The following PRRG1 variants were observed in gnomAD, a reference collection of about 807,000 sequenced individuals.
The protein encoded by PRRG1 is transmembrane gamma-carboxyglutamic acid protein 1.
In PRRG1, 5 loss-of-function variants were observed where a neutral mutation model predicts 11.8. The ratio of observed to expected loss-of-function variants is 0.42; its 90% confidence interval spans 0.22 to 0.89. PRRG1 has a LOEUF of 0.89. PRRG1 is among the 40% of genes least tolerant of loss of function. PRRG1 has a pLI of 0.28. For synonymous variants in PRRG1, 66 were observed against 60.4 expected, an observed-to-expected ratio of 1.09 and a Z score of -0.43; for missense variants, 155 against 166.1, an observed-to-expected ratio of 0.93 and a Z score of 0.37.
chrX:37,386,709 C>T (rs782014191), intron 1 of PRRG1: 57 of 112,042 alleles, frequency 5.1e-4, no homozygotes, highest in African/African-American at 1.8e-3. Flanking sequence ...TTAGCCTTGC[C>T]ACTTTGCAGA....
At chrX:37,413,927 C>G (rs1309712808) in intron 2 of PRRG1, among the ~76,000 whole-genome samples, 1 of 112,025 alleles carries the variant, frequency 8.9e-6, no homozygotes, top group African/African-American at 3.2e-5. Flanking sequence ...GTATTCAGTA[C>G]AGTCACATGC....
At chrX:37,382,941 G>T (rs1556374154) in intron 1 of PRRG1, among the ~76,000 whole-genome samples, 1 of 111,094 alleles carries the variant, frequency 9.0e-6, no homozygotes, top group South Asian at 3.8e-4. Flanking sequence ...CTTTCTCTCC[G>T]AGAATTCATA....
rs1217525730 is a variant in PRRG1 at position 37,374,021 on chromosome X, G to A, written c.-42+24626G>A. 2.7e-5 allele frequency among the ~76,000 whole-genome samples: 3 copies of A among 111,732 alleles called. No homozygotes were observed. In the East Asian group the frequency reaches 8.3e-4, roughly 31 times the overall value. ...TATCAAATGCTTTTCTGTATATATT[G>A]AGATGATCATATAGTTTTTGTCTAT... is the stretch of plus-strand genomic sequence containing the variant. On this transcript the variant is annotated intron_variant, in intron 1 of 3. Transcript: ENST00000378628.
Position 37,354,257 on chromosome X carries a change from G to A in PRRG1, c.-42+4862G>A, listed in dbSNP as rs782409832. Among the ~76,000 whole-genome samples, 9 of 111,848 alleles carry A rather than the reference G, an allele frequency of 8.0e-5. No homozygotes were observed. The Admixed American group carries it at 8.5e-4, about 11-fold the overall frequency. On this transcript the variant is annotated intron_variant, in intron 1 of 3. Transcript: ENST00000378628. ...GCTGTCCCTGGGAAAACATTGAGTGGCATTTAACTGTATGGCATTCAGACA... is the reference window on the plus strand; with the variant it reads ...GCTGTCCCTGGGAAAACATTGAGTGACATTTAACTGTATGGCATTCAGACA...
At chrX:37,379,336 T>C (rs1245608206) in intron 1 of PRRG1, among the ~76,000 whole-genome samples, 3 of 110,164 alleles carry the variant, frequency 2.7e-5, no homozygotes, top group Non-Finnish European at 5.7e-5. Context: ...TCCTGGTATA[T>C]ATATTAGTAG....
chrX:37,423,308 A>G (rs1363671707), intron 2 of PRRG1, among the ~76,000 whole-genome samples: 4 of 110,564 alleles, frequency 3.6e-5, no homozygotes, highest in African/African-American at 1.3e-4. Context: ...TTAAATAGGA[A>G]AAAGGCTTAT....
chrX:37,440,515 T>C (rs182734040), intron 3 of PRRG1, among the ~76,000 whole-genome samples: 11 of 111,876 alleles, frequency 9.8e-5, no homozygotes, highest in Non-Finnish European at 1.7e-4. Context: ...GAGGTTTCAT[T>C]ATAAGCCTAG....
At chrX:37,432,201 C>T (rs1056133272) in intron 3 of PRRG1, among the ~76,000 whole-genome samples, 20 of 110,179 alleles carry the variant, frequency 1.8e-4, no homozygotes, top group African/African-American at 6.6e-4. Context: ...CATTCTCCTG[C>T]CTCAGCCTCC....
chrX:37,415,469 A>G (rs1296486831), intron 2 of PRRG1, among the ~76,000 whole-genome samples: 1 of 112,266 alleles, frequency 8.9e-6, no homozygotes, highest in Non-Finnish European at 1.9e-5. Flanking sequence ...CACTTTGGAA[A>G]CAAATGAGAT....
At chrX:37,350,748 C>G (rs1467669463) in intron 1 of PRRG1, among the ~76,000 whole-genome samples, 2 of 111,322 alleles carry the variant, frequency 1.8e-5, no homozygotes, top group Non-Finnish European at 3.8e-5. Flanking sequence ...TTGTAAATCC[C>G]GTTTTATAAA....
intron 3 of PRRG1, among the ~76,000 whole-genome samples, chrX:37,443,712 T>C (rs1302384857): frequency 3.6e-5 from 4 of 111,998 alleles, no homozygotes; most frequent in Non-Finnish European, 7.5e-5. Flanking sequence ...AAGAGTTCTT[T>C]TGTCTTGTCT....
intron 2 of PRRG1, among the ~76,000 whole-genome samples, chrX:37,411,165 G>GTA (rs1169892292): frequency 4.5e-5 from 5 of 111,828 alleles, no homozygotes; most frequent in Admixed American, 1.9e-4. Context: ...TAAAAATACA[G>GTA]TATGTAAACA....
At chrX:37,389,027 G>C (rs1313186046) in intron 1 of PRRG1, among the ~76,000 whole-genome samples, 2 of 112,055 alleles carry the variant, frequency 1.8e-5, no homozygotes, top group African/African-American at 6.5e-5. Context: ...AATCATCATT[G>C]TCAAGTTCAA....
At chrX:37,382,857 T>C (rs188531543) in intron 1 of PRRG1, among the ~76,000 whole-genome samples, 1 of 108,924 alleles carries the variant, frequency 9.2e-6, no homozygotes, top group African/African-American at 3.3e-5. Context: ...GGATTGGTCA[T>C]TTTTAATCAA....
At chrX:37,377,330 T>C (rs1385447651) in intron 1 of PRRG1, among the ~76,000 whole-genome samples, 2 of 111,825 alleles carry the variant, frequency 1.8e-5, no homozygotes, top group Non-Finnish European at 3.8e-5. Flanking sequence ...CATGTTGTAG[T>C]TTCTGCCTCA....
intron 1 of PRRG1, among the ~76,000 whole-genome samples, chrX:37,362,880 T>C (rs2146925371): frequency 9.0e-6 from 1 of 111,513 alleles, no homozygotes; most frequent in East Asian, 2.8e-4. Context: ...AAATGGGATT[T>C]TGTTTTTTCC....
intron 1 of PRRG1, among the ~76,000 whole-genome samples, chrX:37,371,038 A>G (rs1343188446): frequency 8.9e-6 from 1 of 111,758 alleles, no homozygotes; most frequent in Non-Finnish European, 1.9e-5. Context: ...CCCACCTTCA[A>G]GTCAGGGAAG....
intron 1 of PRRG1, among the ~76,000 whole-genome samples, chrX:37,377,105 A>G (rs1556372595): frequency 9.0e-6 from 1 of 111,638 alleles, no homozygotes; most frequent in East Asian, 2.8e-4. Context: ...AAATATTTGC[A>G]TATTTTTCAT....
intron 1 of PRRG1, among the ~76,000 whole-genome samples, chrX:37,374,878 GA>G (rs1930886457): frequency 9.0e-6 from 1 of 111,473 alleles, no homozygotes; most frequent in Admixed American, 9.6e-5. Flanking sequence ...TATGCTTTGT[GA>G]TTTTTTTGTC....
Sources: allele counts gnomAD v4.1 joint callset (sites outside exome capture counted in the v4.1 genomes callset), GRCh38; gene constraint gnomAD v4.1.1; transcripts MANE v1.5; gene names NCBI Gene and HGNC (gene_info 2026-07-23, HGNC 2026-07-21).